The following ANO4 variants were observed in gnomAD, a reference collection of about 807,000 sequenced individuals.
ANO4 encodes anoctamin-4.
In ANO4, 69 loss-of-function variants were observed where a neutral mutation model predicts 141.9. The ratio of observed to expected loss-of-function variants is 0.49; its 90% CI spans 0.40 to 0.59. ANO4 has a LOEUF of 0.59. Among genes scored for constraint, ANO4 ranks in the 20% least tolerant of loss-of-function variants. The pLI is 0.00. For synonymous variants in ANO4, 350 were observed against 394.3 expected, an observed-to-expected ratio of 0.89 and a Z score of 1.33; for missense variants, 894 against 1,162.2, an observed-to-expected ratio of 0.77 and a Z score of 3.36.
intron 9 of ANO4, among the ~76,000 whole-genome samples, chr12:101,035,047 A>G (rs1442317893): frequency 6.6e-6 from 1 of 151,250 alleles, no homozygotes; most frequent in Admixed American, 6.6e-5. Flanking sequence ...ACTTCTAGGT[A>G]TTTGCTAAGA....
intron 5 of ANO4, among the ~76,000 whole-genome samples, chr12:100,962,292 C>T (rs78503376): frequency 0.075 from 11,387 of 152,258 alleles, 567 homozygotes; most frequent in African/African-American, 0.11. Context: ...TTCTCAATGA[C>T]TGTGTGCTCA....
intron 8 of ANO4, among the ~76,000 whole-genome samples, chr12:101,004,911 A>G (rs2045807612): frequency 6.6e-6 from 1 of 152,192 alleles, no homozygotes; most frequent in Non-Finnish European, 1.5e-5. Context: ...CAATGAAAAC[A>G]GGGGGATCAT....
At chr12:100,865,869 T>A (rs116564995) in intron 1 of ANO4, among the ~76,000 whole-genome samples, 1 of 152,014 alleles carries the variant, frequency 6.6e-6, no homozygotes, top group Non-Finnish European at 1.5e-5. Flanking sequence ...CTGAAAAAGG[T>A]TGGGGGAGGA....
chr12:100,922,398 T>C, intron 3 of ANO4, 68 bp downstream of exon 3: 1 of 1,084,176 alleles, frequency 9.2e-7, no homozygotes, highest in Non-Finnish European at 1.3e-6. Context: ...GGAGGGGTAA[T>C]AAACTAGAAA....
At chr12:101,108,543 T>C (rs962148405) in intron 22 of ANO4, among the ~76,000 whole-genome samples, 4 of 152,184 alleles carry the variant, frequency 2.6e-5, no homozygotes, top group Admixed American at 2.6e-4. Context: ...TATGAAGTAA[T>C]TAGAACAATG....
intron 1 of ANO4, among the ~76,000 whole-genome samples, chr12:100,727,315 A>C (rs77879359): frequency 0.021 from 3,187 of 152,274 alleles, 109 homozygotes; most frequent in African/African-American, 0.072. Context: ...TAGTTCTGTT[A>C]ATTTTTGCTT....
At chr12:101,059,500 T>G (rs942659967) in intron 14 of ANO4, among the ~76,000 whole-genome samples, 2 of 152,178 alleles carry the variant, frequency 1.3e-5, no homozygotes, top group African/African-American at 2.4e-5. Flanking sequence ...CTGGCCTTTG[T>G]TTGGTTGGTA....
Position 100,978,697 on chromosome 12 carries a change from G to T in ANO4, c.602+3808G>T, listed in dbSNP as rs553753581. Among the ~76,000 whole-genome samples the T allele has an allele frequency of 9.6e-4, 146 of 152,316 alleles. 4 individuals are homozygous for T. The South Asian group carries it at 0.029, about 30-fold the overall frequency. On this transcript the variant is annotated intron_variant, in intron 7 of 27. Coordinates refer to ENST00000392977, the MANE Select transcript of ANO4 (RefSeq NM_001286615.2). ...ATGTGAGAAATATTCTGAAATATAG[G>T]CAAAAGGGCTTAGCACTTAGCAGCT...
intron 1 of ANO4, among the ~76,000 whole-genome samples, chr12:100,723,642 A>T (rs1273355280): frequency 6.6e-6 from 1 of 152,178 alleles, no homozygotes; most frequent in South Asian, 2.1e-4. Flanking sequence ...TGAGGAACAC[A>T]CTCATGTATA....
chr12:100,974,910 T>C (rs768956820), intron 7 of ANO4, 21 bp downstream of exon 7: 7 of 1,613,392 alleles, frequency 4.3e-6, no homozygotes, highest in Non-Finnish European at 2.5e-6. Flanking sequence ...CGCTCTGTCC[T>C]GACAGTGTTT....
chr12:100,849,927 T>C (rs114225033), intron 1 of ANO4, among the ~76,000 whole-genome samples: 2,663 of 152,242 alleles, frequency 0.017, 73 homozygotes, highest in African/African-American at 0.06. Flanking sequence ...ACCTGGGACC[T>C]TGTGGGCTCG....
Position 101,127,881 on chromosome 12 carries a change from C to T in ANO4, c.*25C>T, listed in dbSNP as rs1255897988. ...TCCAGAAAATAGTCCCTTTCCAGGC[C>T]AAGGACCTGAATTCTGTTTACTTCT... On this transcript the variant is annotated 3_prime_UTR_variant, in exon 28 of 28. Coordinates refer to ENST00000392977, the MANE Select transcript of ANO4 (RefSeq NM_001286615.2). 1 of 152,538 alleles carries T rather than the reference C, an allele frequency of 6.6e-6. No individual in the cohort carries two copies. Among genetic ancestry groups the T allele is most frequent in the Non-Finnish European group, 1.5e-5 (1 of 68,026 alleles). The allele number at this position is 152,538 out of a possible 1,614,324, so 9.4% of individuals were successfully genotyped here. A position where few individuals can be genotyped will look rare whatever the true frequency, so the allele number is the denominator to read the frequency against.
At chr12:100,742,597 G>A (rs2031919233) in intron 3 of ANO4, among the ~76,000 whole-genome samples, 1 of 151,990 alleles carries the variant, frequency 6.6e-6, no homozygotes. Flanking sequence ...CAAGTTTTAG[G>A]CACAATATAA....
intron 14 of ANO4, among the ~76,000 whole-genome samples, chr12:101,060,426 G>T (rs911283311): frequency 6.6e-6 from 1 of 152,176 alleles, no homozygotes; most frequent in Admixed American, 6.5e-5. Flanking sequence ...TTCAAGTTCT[G>T]AATATCTTTG....
intron 1 of ANO4, among the ~76,000 whole-genome samples, chr12:100,807,045 T>C (rs2035100050): frequency 1.3e-5 from 2 of 152,332 alleles, no homozygotes; most frequent in African/African-American, 4.8e-5. Flanking sequence ...TGAAAAGTCA[T>C]GCTTCTACAA....
chr12:100,996,721 G>A (rs1242637037), intron 8 of ANO4, among the ~76,000 whole-genome samples: 1 of 152,152 alleles, frequency 6.6e-6, no homozygotes, highest in Non-Finnish European at 1.5e-5. Flanking sequence ...ATGGGAAATT[G>A]TTGCTGGAGG....
At chr12:100,946,926 T>C (rs1412369355) in intron 5 of ANO4, among the ~76,000 whole-genome samples, 2 of 152,124 alleles carry the variant, frequency 1.3e-5, no homozygotes, top group African/African-American at 4.8e-5. Context: ...ATGCTGCTGA[T>C]GGGGTGTGTA....
At chr12:101,042,895 C>T (rs886944820) in intron 12 of ANO4, among the ~76,000 whole-genome samples, 1 of 152,134 alleles carries the variant, frequency 6.6e-6, no homozygotes, top group Non-Finnish European at 1.5e-5. Context: ...GGTTCAGTGT[C>T]GATGACCATT....
Position 101,109,907 on chromosome 12 carries a change from TTAGA to T in ANO4, c.2150-494_2150-491del, listed in dbSNP as rs1383657246. Reference sequence around the variant, plus strand: ...AGTATATATTTACATCAGTCTGGACTTAGATACTTAGTCTTTGGGTCATAATCCC... The same window carrying T: ...AGTATATATTTACATCAGTCTGGACTTACTTAGTCTTTGGGTCATAATCCC... On this transcript the variant is annotated intron_variant, in intron 22 of 27. Coordinates refer to ENST00000392977, the MANE Select transcript of ANO4 (RefSeq NM_001286615.2). Among the ~76,000 whole-genome samples, 9 of 152,364 alleles carry T rather than the reference TTAGA, an allele frequency of 5.9e-5. No individual in the cohort carries two copies. In the East Asian group the frequency reaches 1.7e-3, roughly 29 times the overall value.
Sources: gnomAD v4.1 joint callset for allele counts (sites outside exome capture counted in the v4.1 genomes callset) on GRCh38, gnomAD v4.1.1 for gene constraint, MANE v1.5 for transcripts, NCBI Gene and HGNC (gene_info 2026-07-23, HGNC 2026-07-21) for gene names.